Variants in DDX4 observed in about 807,000 individuals in gnomAD.
DDX4 encodes probable ATP-dependent RNA helicase DDX4.
Under a neutral mutation model 100.0 loss-of-function variants are expected in DDX4, and 25 were observed. The observed-to-expected ratio is 0.25, with a 90% CI of 0.18 to 0.35. DDX4 has a LOEUF of 0.35. Among genes scored for constraint, DDX4 ranks in the 10% least tolerant of loss-of-function variants. The probability of loss-of-function intolerance (pLI) is 1.00; values close to 1 mark genes in which losing one functional copy is unlikely to be tolerated. For synonymous variants in DDX4, 259 were observed against 275.7 expected, an observed-to-expected ratio of 0.94 and a Z score of 0.60; for missense variants, 635 against 882.4, an observed-to-expected ratio of 0.72 and a Z score of 3.55.
chr5:55,803,265 A>G (rs1743443981), intron 18 of DDX4, among the ~76,000 whole-genome samples: 1 of 151,926 alleles, frequency 6.6e-6, no homozygotes, highest in South Asian at 2.1e-4. Context: ...ATGTCCCTAC[A>G]AAGGACATGA....
chr5:55,765,867 C>T (rs1355788582), intron 6 of DDX4, among the ~76,000 whole-genome samples: 1 of 152,076 alleles, frequency 6.6e-6, no homozygotes, highest in African/African-American at 2.4e-5. Context: ...TGCAGTGGTA[C>T]AGTCTTGGCT....
intron 16 of DDX4, among the ~76,000 whole-genome samples, chr5:55,791,134 T>G (rs1580580368): frequency 6.6e-6 from 1 of 152,328 alleles, no homozygotes; most frequent in Middle Eastern, 3.4e-3. Flanking sequence ...CTGTCTCCTA[T>G]GTAAGCATGG....
At chr5:55,755,846 G>A (rs2111726713) in intron 3 of DDX4, among the ~76,000 whole-genome samples, 1 of 152,170 alleles carries the variant, frequency 6.6e-6, no homozygotes, top group African/African-American at 2.4e-5. Flanking sequence ...CCAGCACTCA[G>A]ATCAAGAAAA....
chr5:55,752,989 G>A (rs1759663987), intron 3 of DDX4, among the ~76,000 whole-genome samples: 1 of 151,654 alleles, frequency 6.6e-6, no homozygotes, highest in African/African-American at 2.4e-5. Flanking sequence ...CTTCTTTTGA[G>A]AAGTGTCTGT....
chr5:55,796,514 CATTT>C (rs1561510097), intron 17 of DDX4, among the ~76,000 whole-genome samples: 1 of 152,170 alleles, frequency 6.6e-6, no homozygotes, highest in Non-Finnish European at 1.5e-5. Context: ...TTCTTTTAAA[CATTT>C]ATTTAAAATA....
At chr5:55,776,329 C>T (rs892243736) in intron 7 of DDX4, among the ~76,000 whole-genome samples, 1 of 152,102 alleles carries the variant, frequency 6.6e-6, no homozygotes, top group East Asian at 1.9e-4. Context: ...TGTGGTTCAA[C>T]ATATGACTGT....
intron 5 of DDX4, 107 bp from the exon 6 acceptor site, chr5:55,763,907 A>G: frequency 2.6e-6 from 2 of 759,758 alleles, no homozygotes; most frequent in Admixed American, 2.0e-5. Context: ...CTATGTATAC[A>G]ATTGTGTATC....
chr5:55,754,959 A>G (rs186900204), intron 3 of DDX4, among the ~76,000 whole-genome samples: 33 of 152,180 alleles, frequency 2.2e-4, no homozygotes, highest in Non-Finnish European at 4.0e-4. Context: ...GTTTATTTGC[A>G]TAGAGGTGTT....
At chr5:55,779,789 A>G (rs1371451295) in intron 7 of DDX4, among the ~76,000 whole-genome samples, 175 bp from the exon 8 acceptor site, 1 of 152,208 alleles carries the variant, frequency 6.6e-6, no homozygotes, top group East Asian at 1.9e-4. Flanking sequence ...ATCTATTTAT[A>G]TTAGTAAAAT....
chr5:55,758,044 C>T (rs1760051799), intron 3 of DDX4, among the ~76,000 whole-genome samples: 1 of 152,168 alleles, frequency 6.6e-6, no homozygotes, highest in Non-Finnish European at 1.5e-5. Context: ...GACTCCATCT[C>T]AAACAAGACA....
intron 4 of DDX4, 104 bp from the exon 5 acceptor site, chr5:55,763,071 C>G: frequency 1.4e-6 from 1 of 731,810 alleles, no homozygotes; most frequent in South Asian, 1.8e-5. Context: ...CTTTTCCCAT[C>G]CTTGGAAGTC....
At chr5:55,765,278 C>T (rs571049018) in intron 6 of DDX4, among the ~76,000 whole-genome samples, 1 of 150,990 alleles carries the variant, frequency 6.6e-6, no homozygotes, top group Non-Finnish European at 1.5e-5. Flanking sequence ...GATGGTGGGC[C>T]AGGGAGCTTT....
intron 18 of DDX4, among the ~76,000 whole-genome samples, chr5:55,803,916 T>C (rs899954782): frequency 7.9e-5 from 12 of 152,120 alleles, no homozygotes; most frequent in African/African-American, 1.2e-4. Context: ...ACTTCCACAA[T>C]GACTAGTTTA....
Position 55,752,982 on chromosome 5 carries a change from C to A in DDX4, c.127+6761C>A, listed in dbSNP as rs1289613521. On this transcript the variant is annotated intron_variant, in intron 3 of 21. Coordinates refer to ENST00000505374, the MANE Select transcript of DDX4 (RefSeq NM_024415.3). ...TGGTTTTTGGCTGCATAAATGTCTT[C>A]TTTTGAGAAGTGTCTGTTCATGTCC... 2.0e-5 allele frequency among the ~76,000 whole-genome samples: 3 copies of A among 151,612 alleles called. No homozygotes were observed. In the East Asian group the frequency reaches 5.8e-4, roughly 29 times the overall value.
intron 17 of DDX4, among the ~76,000 whole-genome samples, chr5:55,794,293 T>G (rs1742778997): frequency 6.6e-6 from 1 of 151,642 alleles, no homozygotes; most frequent in African/African-American, 2.4e-5. Context: ...GTTCAAGCGA[T>G]TCTCCTGCCT....
intron 3 of DDX4, among the ~76,000 whole-genome samples, chr5:55,753,042 T>A (rs1354004910): frequency 6.6e-6 from 1 of 151,914 alleles, no homozygotes; most frequent in Non-Finnish European, 1.5e-5. Context: ...TTTGTTTTTT[T>A]CTTGTAAATT....
rs182505455 is a variant in DDX4, at chr5:55,774,885, G to A, written c.395-5079G>A. ...TTGGGATATTTTGAGCTTTTTTGTG[G>A]TAAGATCTCTATAACATAAAATTCC... On this transcript the variant is annotated intron_variant, in intron 7 of 21. Coordinates refer to ENST00000505374, the MANE Select transcript of DDX4 (RefSeq NM_024415.3). Among the ~76,000 whole-genome samples, 4 of 152,168 alleles carry A rather than the reference G, an allele frequency of 2.6e-5. No homozygotes were observed. In the East Asian group the frequency reaches 5.8e-4, roughly 22 times the overall value.
At chr5:55,767,976 A>G in intron 7 of DDX4, 36 bp downstream of exon 7, 1 of 1,575,112 alleles carries the variant, frequency 6.3e-7, no homozygotes, top group Non-Finnish European at 8.7e-7. Flanking sequence ...TGTACTTAAC[A>G]CAGAGACACT....
In DDX4 at chr5:55,792,784, A is replaced by G. The variant is rs1445757076; in HGVS notation, c.1446A>G (p.Ala482=). Residue 482 remains alanine (A), a synonymous_variant, in exon 17 of 22, where the codon GCA becomes GCG. Transcript: ENST00000505374. The stretch of plus-strand genomic sequence containing the variant: ...AGCGCCAAACCCTTATGTTCAGTGC[A>G]ACTTTTCCAGAGGAAATTCAAAGGT... ...KEQRQTLMFS[A]TFPEEIQRLA... The G allele has an allele frequency of 6.8e-7, 1 of 1,461,126 alleles. No individual in the cohort carries two copies. Among genetic ancestry groups the G allele is most frequent in the Admixed American group, 2.3e-5 (1 of 43,672 alleles). The allele number at this position is 1,461,126 out of a possible 1,614,324, so 90.5% of individuals were successfully genotyped here. A position where few individuals can be genotyped will look rare whatever the true frequency, so the allele number is the denominator to read the frequency against.
Sources: gnomAD v4.1 joint callset for allele counts (sites outside exome capture counted in the v4.1 genomes callset) on GRCh38, gnomAD v4.1.1 for gene constraint, MANE v1.5 for transcripts, NCBI Gene and HGNC (gene_info 2026-07-23, HGNC 2026-07-21) for gene names.